The following TXNRD1 variants were observed in gnomAD, a reference collection of about 807,000 sequenced individuals.
TXNRD1 encodes the protein thioredoxin reductase 1.
TXNRD1 carries 57 observed loss-of-function variants against 80.3 expected under a neutral mutation model. The observed-to-expected ratio is 0.71, with a 90% confidence interval of 0.57 to 0.89. The LOEUF is 0.89. Among genes scored for constraint, TXNRD1 ranks in the 40% least tolerant of loss-of-function variants. The pLI is 0.00. For synonymous variants in TXNRD1, 291 were observed against 285.2 expected (o/e 1.02, Z -0.20); for missense variants, 730 against 803.0 (o/e 0.91, Z 1.10).
chr12:104,243,358 C>A (rs1484051277), intron 1 of TXNRD1, among the ~76,000 whole-genome samples: 1 of 152,104 alleles, frequency 6.6e-6, no homozygotes, highest in African/African-American at 2.4e-5. Context: ...CATATAACTA[C>A]TTTCTTGTCT....
chr12:104,323,272 A>G (rs887842473), intron 10 of TXNRD1, among the ~76,000 whole-genome samples: 2 of 147,046 alleles, frequency 1.4e-5, no homozygotes, highest in Non-Finnish European at 3.0e-5. Context: ...TTTCTATTCC[A>G]CAAAGCCGCC....
At chr12:104,255,394 A>G (rs534657879) in intron 2 of TXNRD1, among the ~76,000 whole-genome samples, 3 of 152,198 alleles carry the variant, frequency 2.0e-5, no homozygotes, top group African/African-American at 7.2e-5. Context: ...CCTATCCCTG[A>G]AAATGTAAAG....
intron 7 of TXNRD1, 144 bp from the exon 8 acceptor site, chr12:104,318,769 A>G (rs2035418691): frequency 4.6e-6 from 3 of 652,904 alleles, no homozygotes; most frequent in East Asian, 5.5e-5. Context: ...AAAAAGTGGC[A>G]TATGTGCTCA....
intron 6 of TXNRD1, among the ~76,000 whole-genome samples, chr12:104,314,110 T>A (rs1389916957): frequency 6.6e-6 from 1 of 152,006 alleles, no homozygotes; most frequent in African/African-American, 2.4e-5. Flanking sequence ...GTGGCATGGA[T>A]AATGGGAGCT....
chr12:104,226,064 G>A (rs1353401785), intron 1 of TXNRD1, among the ~76,000 whole-genome samples: 3 of 152,066 alleles, frequency 2.0e-5, no homozygotes, highest in African/African-American at 7.2e-5. Flanking sequence ...AGCTGGGCGT[G>A]TGGTGGGCAC....
Position 104,348,501 on chromosome 12 carries a change from A to G in TXNRD1, c.*80A>G. The G allele has an allele frequency of 6.9e-7, 1 of 1,445,186 alleles. No homozygotes were observed. Among genetic ancestry groups the G allele is most frequent in the South Asian group, 1.2e-5 (1 of 86,688 alleles). 89.5% of individuals were successfully genotyped at this position (1,445,186 alleles called of 1,614,324 possible). A position where few individuals can be genotyped will look rare whatever the true frequency, so the allele number is the denominator to read the frequency against. ...CCAAATCCAAGGCGAAGTTTTCTAGAGGGTTCTTGGGCTCTTGGCACCTGC... is the reference window on the plus strand; with the variant it reads ...CCAAATCCAAGGCGAAGTTTTCTAGGGGGTTCTTGGGCTCTTGGCACCTGC... On this transcript the variant is annotated 3_prime_UTR_variant, in exon 17 of 17. Transcript: ENST00000525566.
chr12:104,319,149 A>G lies in TXNRD1; in HGVS notation c.873+94A>G. The G allele has an allele frequency of 7.2e-6, 10 of 1,394,126 alleles. No homozygotes were observed. In the South Asian group the frequency reaches 1.3e-4, roughly 19 times the overall value. 86.4% of individuals were successfully genotyped at this position (1,394,126 alleles called of 1,614,324 possible). On this transcript the variant is annotated intron_variant, in intron 8 of 16. Transcript: ENST00000525566. ...AATGTTAAAGTATTATAATAAAAGT[A>G]ATAGCCACTGTGACCCAGACTATCC...
chr12:104,235,960 G>A (rs1266873133), intron 1 of TXNRD1, among the ~76,000 whole-genome samples: 3 of 152,136 alleles, frequency 2.0e-5, no homozygotes, highest in African/African-American at 7.2e-5. Context: ...TCTGGGTGGT[G>A]CCAGCTGATC....
At chr12:104,346,814 G>C (rs2036505851) in intron 16 of TXNRD1, among the ~76,000 whole-genome samples, 1 of 152,146 alleles carries the variant, frequency 6.6e-6, no homozygotes, top group South Asian at 2.1e-4. Flanking sequence ...ATAACTATTG[G>C]CCAGGCACAG....
chr12:104,255,800 C>T (rs1487909763), intron 2 of TXNRD1, among the ~76,000 whole-genome samples: 3 of 152,148 alleles, frequency 2.0e-5, no homozygotes, highest in Admixed American at 1.3e-4. Flanking sequence ...TCAACAACAA[C>T]AACAACATAT....
intron 1 of TXNRD1, among the ~76,000 whole-genome samples, chr12:104,224,010 T>G (rs1311065656): frequency 6.6e-6 from 1 of 152,220 alleles, no homozygotes; most frequent in Non-Finnish European, 1.5e-5. Context: ...GCATAACCAT[T>G]CGCACTGGAT....
At chr12:104,271,368 G>A (rs1390224098) in intron 3 of TXNRD1, among the ~76,000 whole-genome samples, 1 of 151,850 alleles carries the variant, frequency 6.6e-6, no homozygotes, top group African/African-American at 2.4e-5. Context: ...TAGTAGAGAC[G>A]GGGTTTCACC....
Position 104,310,034 on chromosome 12 carries a change from C to T in TXNRD1, c.415-1256C>T, listed in dbSNP as rs767383558. On this transcript the variant is annotated intron_variant, in intron 4 of 16. Transcript: ENST00000525566. The stretch of plus-strand genomic sequence containing the variant: ...CCAAGAACCTTCTTCTTCCGCTGAC[C>T]CCAAGCTCTGCCTTTCACCCCCTAC... 3.9e-6 allele frequency: 6 copies of T among 1,536,220 alleles called. No individual in the cohort carries two copies. The Admixed American group carries it at 5.9e-5, about 15-fold the overall frequency.
Position 104,349,633 on chromosome 12 carries a change from A to C in TXNRD1, c.*1212A>C, listed in dbSNP as rs180703023. On this transcript the variant is annotated 3_prime_UTR_variant, in exon 17 of 17. Coordinates refer to ENST00000525566, the MANE Select transcript of TXNRD1 (RefSeq NM_001093771.3). ...CTTGCATTATTATAAAGAGGTATTA[A>C]TGCCTCAGTTATGTGTTTGTCAATG... 6.5e-6 allele frequency: 1 copy of C among 152,728 alleles called. No individual in the cohort carries two copies. The highest frequency in any genetic ancestry group is 1.9e-4 in the East Asian group (1 of 5,190). 9.5% of individuals were successfully genotyped at this position (152,728 alleles called of 1,614,324 possible).
intron 9 of TXNRD1, among the ~76,000 whole-genome samples, chr12:104,320,222 T>G (rs191002172): frequency 1.6e-4 from 24 of 152,374 alleles, no homozygotes; most frequent in African/African-American, 4.6e-4. Context: ...GACAGAGTGT[T>G]GGTAAATGTG....
Position 104,348,224 on chromosome 12 carries a change from ACTT to A in TXNRD1, c.1882-126_1882-124del, listed in dbSNP as rs1423604891. 5.6e-5 allele frequency: 42 copies of A among 748,088 alleles called. No homozygotes were observed. The Middle Eastern group carries it at 7.3e-4, about 13-fold the overall frequency. The allele number at this position is 748,088 out of a possible 1,614,324, so 46.3% of individuals were successfully genotyped here. A position where few individuals can be genotyped will look rare whatever the true frequency, so the allele number is the denominator to read the frequency against. On this transcript the variant is annotated intron_variant, in intron 16 of 16. Transcript: ENST00000525566. Reference sequence around the variant, plus strand: ...AATAGAAGATATCCTTGATCATACTACTTCTCTGTTTTATTCATTTTGGTAGTC... The same window carrying A: ...AATAGAAGATATCCTTGATCATACTACTCTGTTTTATTCATTTTGGTAGTC...
chr12:104,229,479 T>G (rs1026352226), intron 1 of TXNRD1, among the ~76,000 whole-genome samples: 3 of 152,174 alleles, frequency 2.0e-5, no homozygotes, highest in Non-Finnish European at 4.4e-5. Context: ...CTTAGCATAA[T>G]ATTTTCAAGG....
chr12:104,320,275 T>C (rs1400252572), intron 9 of TXNRD1, among the ~76,000 whole-genome samples: 2 of 152,246 alleles, frequency 1.3e-5, no homozygotes, highest in Non-Finnish European at 2.9e-5. Context: ...GATTGTGTTA[T>C]AAATTACTCT....
chr12:104,257,336 A>G (rs534828429), intron 2 of TXNRD1, among the ~76,000 whole-genome samples: 1 of 151,782 alleles, frequency 6.6e-6, no homozygotes, highest in Non-Finnish European at 1.5e-5. Flanking sequence ...TAATACTTTA[A>G]CTATTGTAGA....
Sources: allele counts gnomAD v4.1 joint callset (sites outside exome capture counted in the v4.1 genomes callset), GRCh38; gene constraint gnomAD v4.1.1; transcripts MANE v1.5; gene names NCBI Gene and HGNC (gene_info 2026-07-23, HGNC 2026-07-21).